The following FLT1 variants were observed in gnomAD, a reference collection of about 807,000 sequenced individuals.
FLT1 encodes the protein vascular endothelial growth factor receptor 1.
FLT1 carries 49 observed loss-of-function variants against 156.3 expected under a neutral mutation model. That is an observed-to-expected ratio of 0.31 (90% CI 0.25 to 0.40). FLT1 has a LOEUF of 0.40. Among genes scored for constraint, FLT1 ranks in the 10% least tolerant of loss-of-function variants. The pLI, the probability that FLT1 is intolerant of heterozygous loss-of-function variation, is 1.00. For missense variants in FLT1, 1,322 were observed against 1,637.2 expected (o/e 0.81, Z 3.32); for synonymous variants, 594 against 583.8 (o/e 1.02, Z -0.25).
At position 28,306,755 on chromosome 13, in the gene FLT1, G is replaced by A; in HGVS notation, c.3738C>T (p.Ser1246=). 6.2e-7 allele frequency: 1 copy of A among 1,613,426 alleles called. No homozygotes were observed. Among genetic ancestry groups the A allele is most frequent in the Non-Finnish European group, 8.5e-7 (1 of 1,179,388 alleles). The change falls in exon 29 of 30, where the codon AGC becomes AGT. Residue 1246 remains serine (S), a synonymous_variant. Transcript: ENST00000282397. ...GCATGGGAGAGGCCAACAGAGTGCT[G>A]CTGTCGCCCTGGTAGTCCTAGGGGG... is the stretch of plus-strand genomic sequence containing the variant. ...TSMFDDYQGD[S]STLLASPMLK... is the part of the protein sequence containing the mutation.
chr13:28,345,093 G>A (rs1472762785), intron 16 of FLT1, among the ~76,000 whole-genome samples: 4 of 151,928 alleles, frequency 2.6e-5, no homozygotes, highest in African/African-American at 4.8e-5. Context: ...ATGTACCACC[G>A]TGCCCAGTCT....
intron 16 of FLT1, among the ~76,000 whole-genome samples, chr13:28,342,777 T>C (rs1872386180): frequency 6.6e-6 from 1 of 152,202 alleles, no homozygotes; most frequent in South Asian, 2.1e-4. Flanking sequence ...TGGAATAATT[T>C]ATTGACATAC....
intron 14 of FLT1, chr13:28,368,143 T>G: frequency 1.9e-6 from 1 of 540,430 alleles, no homozygotes; most frequent in South Asian, 7.5e-5. Flanking sequence ...TTTGTCTGTT[T>G]ATTTATTTAT....
chr13:28,394,113 T>C lies in FLT1; in HGVS notation c.1660+2847A>G, dbSNP rs1446409721. On this transcript the variant is annotated intron_variant, in intron 12 of 29. Coordinates refer to ENST00000282397, the MANE Select transcript of FLT1 (RefSeq NM_002019.4). ...TTACTCTCATCTCTAGTGACAAAGA[T>C]TTGAGTGAGAGAAAGATAATAATTA... Among the ~76,000 whole-genome samples, 4 of 152,114 alleles carry C rather than the reference T, an allele frequency of 2.6e-5. No individual in the cohort carries two copies. In the East Asian group the frequency reaches 7.7e-4, roughly 29 times the overall value.
chr13:28,405,953 C>G (rs986317497), intron 10 of FLT1, 59 bp from the exon 11 acceptor site: 1 of 867,804 alleles, frequency 1.2e-6, no homozygotes, highest in Non-Finnish European at 2.0e-6. Context: ...TCAATGGGGA[C>G]AGGTGAAATG....
chr13:28,474,770 C>A (rs529513201), intron 1 of FLT1, among the ~76,000 whole-genome samples: 3 of 152,142 alleles, frequency 2.0e-5, no homozygotes, highest in Non-Finnish European at 4.4e-5. Context: ...CTTGAATGGA[C>A]CAAAAACCAC....
At chr13:28,323,649 C>A (rs1871565310) in intron 20 of FLT1, among the ~76,000 whole-genome samples, 1 of 63,250 alleles carries the variant, frequency 1.6e-5, no homozygotes, top group Non-Finnish European at 4.1e-5. Context: ...AAAACTCCAT[C>A]TCAAAAAAAA....
chr13:28,399,345 G>T (rs796933740), intron 11 of FLT1, among the ~76,000 whole-genome samples: 13 of 152,230 alleles, frequency 8.5e-5, no homozygotes, highest in African/African-American at 2.9e-4. Context: ...CAGATTAATT[G>T]TTGCTCAGTA....
rs1412864066 is a variant in FLT1 at position 28,302,350 on chromosome 13, A to G, written c.*817T>C. On this transcript the variant is annotated 3_prime_UTR_variant, in exon 30 of 30. Coordinates refer to ENST00000282397, the MANE Select transcript of FLT1 (RefSeq NM_002019.4). Reference sequence around the variant, plus strand: ...GCATCTTACTAGAGGAGCCAAAAGTATGGGCTCAGAGTTGAGTGCCACCCT... The same window carrying G: ...GCATCTTACTAGAGGAGCCAAAAGTGTGGGCTCAGAGTTGAGTGCCACCCT... 1.7e-5 allele frequency: 4 copies of G among 233,244 alleles called. No homozygotes were observed. Among genetic ancestry groups the G allele is most frequent in the Non-Finnish European group, 8.5e-6 (1 of 118,080 alleles). 14.4% of individuals were successfully genotyped at this position (233,244 alleles called of 1,614,324 possible).
At chr13:28,441,980 A>T (rs1343741959) in intron 3 of FLT1, among the ~76,000 whole-genome samples, 1 of 152,148 alleles carries the variant, frequency 6.6e-6, no homozygotes, top group East Asian at 1.9e-4. Flanking sequence ...TTTGCATTTG[A>T]TTTACCTGAG....
chr13:28,449,715 T>C (rs972676211), intron 3 of FLT1, among the ~76,000 whole-genome samples: 1 of 152,256 alleles, frequency 6.6e-6, no homozygotes, highest in Non-Finnish European at 1.5e-5. Flanking sequence ...TTTAAAAATG[T>C]ATTATTTGTG....
chr13:28,389,823 G>A lies in FLT1; in HGVS notation c.1942C>T (p.Leu648Phe), dbSNP rs773035381. The change falls in exon 13 of 30, where the codon CTC (leucine) becomes TTC (phenylalanine). Residue 648 changes from leucine (L) to phenylalanine (F), a missense_variant. Leu to Phe is a conservative substitution (Grantham distance 22, BLOSUM62 0). Transcript: ENST00000282397. ...CTGATTGTAATTTCTTTCTTCTGGA[G>A]GATTTCTTCCCCTGTGTATACATTC... ...ARNVYTGEEI[L>F]QKKEITIRDQ... The A allele has an allele frequency of 6.2e-7, 1 of 1,614,182 alleles. No individual in the cohort carries two copies. Among genetic ancestry groups the A allele is most frequent in the Non-Finnish European group, 8.5e-7 (1 of 1,180,018 alleles).
intron 11 of FLT1, 74 bp from the exon 12 acceptor site, chr13:28,397,142 T>G: frequency 1.2e-6 from 1 of 850,062 alleles, no homozygotes; most frequent in African/African-American, 1.7e-5. Context: ...ACTTCTGAGG[T>G]TGAAATGATT....
chr13:28,330,530 T>G (rs747213360), intron 18 of FLT1, among the ~76,000 whole-genome samples: 1 of 150,532 alleles, frequency 6.6e-6, no homozygotes, highest in Non-Finnish European at 1.5e-5. Flanking sequence ...GCAGCCATGG[T>G]TAATAGTTTG....
intron 1 of FLT1, among the ~76,000 whole-genome samples, chr13:28,479,207 T>C (rs1263408721): frequency 6.6e-6 from 1 of 152,194 alleles, no homozygotes; most frequent in Non-Finnish European, 1.5e-5. Flanking sequence ...TGCAATAAAG[T>C]TATCCATCAT....
At chr13:28,318,300 T>C (rs1871287182) in intron 24 of FLT1, among the ~76,000 whole-genome samples, 1 of 151,770 alleles carries the variant, frequency 6.6e-6, no homozygotes, top group South Asian at 2.1e-4. Context: ...CTGGGCTGAA[T>C]GGAGTGGAAT....
intron 18 of FLT1, 65 bp from the exon 19 acceptor site, chr13:28,329,793 A>C (rs1871850717): frequency 1.5e-6 from 2 of 1,319,920 alleles, no homozygotes; most frequent in Admixed American, 3.7e-5. Context: ...CGGAGGCGGC[A>C]TTCTTGCCCT....
At chr13:28,372,567 T>TATATATA (rs1873658077) in intron 14 of FLT1, among the ~76,000 whole-genome samples, 1 of 2,656 alleles carries the variant, frequency 3.8e-4, no homozygotes, top group African/African-American at 1.9e-3. Flanking sequence ...AAATAAAATG[T>TATATATA]ATATATATAT....
intron 3 of FLT1, among the ~76,000 whole-genome samples, chr13:28,446,737 C>T (rs1031839100): frequency 1.3e-5 from 2 of 152,156 alleles, no homozygotes; most frequent in African/African-American, 4.8e-5. Context: ...AATTGATCTA[C>T]AGATTAAATG....
Sources: allele counts gnomAD v4.1 joint callset (sites outside exome capture counted in the v4.1 genomes callset), GRCh38; gene constraint gnomAD v4.1.1; transcripts MANE v1.5; gene names NCBI Gene and HGNC (gene_info 2026-07-23, HGNC 2026-07-21).